Variants in MAGI3 observed in about 807,000 individuals in gnomAD.
MAGI3 encodes membrane associated guanylate kinase, WW and PDZ domain containing 3, also known as membrane-associated guanylate kinase, WW and PDZ domain-containing protein 3.
A neutral mutation model predicts 121.8 loss-of-function variants in MAGI3; 43 were observed. The ratio of observed to expected loss-of-function variants is 0.35; its 90% CI spans 0.28 to 0.46. The LOEUF (loss-of-function observed/expected upper bound fraction) is 0.46, where lower values mean the gene tolerates loss of function less well. Ranked by LOEUF, MAGI3 falls within the 20% of genes least tolerant of loss-of-function variation. MAGI3 has a pLI of 1.00. For missense variants in MAGI3, 1,547 were observed against 1,797.3 expected, an observed-to-expected ratio of 0.86 and a Z score of 2.52; for synonymous variants, 553 against 639.3, an observed-to-expected ratio of 0.86 and a Z score of 2.04.
In MAGI3 at chr1:113,580,530, CT is replaced by C. The variant is rs1647954781; in HGVS notation, c.434-6del. ...TACTTTACAACCTACTTTTTTTTTT[CT>C]TTTTTCTTAGGCACTACAAGGGCCC... On this transcript the variant is annotated splice_polypyrimidine_tract_variant and intron_variant, in intron 2 of 20. Transcript: ENST00000307546. 11 of 1,544,440 alleles carry C rather than the reference CT, an allele frequency of 7.1e-6. No homozygotes were observed. Among genetic ancestry groups the C allele is most frequent in the Middle Eastern group, 1.7e-4 (1 of 5,732 alleles).
At chr1:113,636,168 CA>C (rs1461741049) in intron 9 of MAGI3, among the ~76,000 whole-genome samples, 1 of 151,858 alleles carries the variant, frequency 6.6e-6, no homozygotes, top group African/African-American at 2.4e-5. Flanking sequence ...TTGATCCTTT[CA>C]AAAAACCAGC....
At chr1:113,623,145 A>G in intron 9 of MAGI3, 151 bp downstream of exon 9, 1 of 540,510 alleles carries the variant, frequency 1.9e-6, no homozygotes, top group East Asian at 3.7e-5. Flanking sequence ...ACTTTAATTT[A>G]AAAAAAAGTT....
chr1:113,597,858 G>A (rs953501405), intron 6 of MAGI3, among the ~76,000 whole-genome samples: 3 of 152,150 alleles, frequency 2.0e-5, no homozygotes, highest in Non-Finnish European at 4.4e-5. Flanking sequence ...ATGGTAAAAG[G>A]AGTTCTAAAT....
chr1:113,681,375 AT>A, intron 20 of MAGI3, 39 bp downstream of exon 20: 2 of 1,597,872 alleles, frequency 1.3e-6, no homozygotes, highest in Non-Finnish European at 1.7e-6. Context: ...AAAGTTGTAT[AT>A]TAGGGAGGGG....
chr1:113,531,880 A>G (rs1347614207), intron 1 of MAGI3, among the ~76,000 whole-genome samples: 1 of 152,200 alleles, frequency 6.6e-6, no homozygotes, highest in East Asian at 1.9e-4. Context: ...TGAGCCTAGG[A>G]AACTGTTGAA....
intron 5 of MAGI3, among the ~76,000 whole-genome samples, chr1:113,591,327 C>T (rs1369939938): frequency 1.3e-5 from 2 of 152,008 alleles, no homozygotes; most frequent in South Asian, 4.1e-4. Context: ...TCTCACGTAG[C>T]TGTAATTCTC....
chr1:113,553,571 G>A (rs1659868508), intron 2 of MAGI3, among the ~76,000 whole-genome samples: 1 of 152,166 alleles, frequency 6.6e-6, no homozygotes, highest in Non-Finnish European at 1.5e-5. Flanking sequence ...TACTAGCAGG[G>A]CTAAAATAGT....
chr1:113,531,293 A>G (rs1404223984), intron 1 of MAGI3, among the ~76,000 whole-genome samples: 1 of 152,196 alleles, frequency 6.6e-6, no homozygotes, highest in African/African-American at 2.4e-5. Context: ...ATTCTTTTTC[A>G]GGGAGTATTT....
chr1:113,509,934 C>T (rs1184845919), intron 1 of MAGI3, among the ~76,000 whole-genome samples: 1 of 151,568 alleles, frequency 6.6e-6, no homozygotes, highest in Non-Finnish European at 1.5e-5. Flanking sequence ...ACGTTGCCTC[C>T]AGGGCCCAGC....
intron 1 of MAGI3, among the ~76,000 whole-genome samples, chr1:113,535,355 G>T (rs1185789986): frequency 2.0e-5 from 3 of 151,440 alleles, no homozygotes; most frequent in Admixed American, 1.3e-4. Flanking sequence ...ATTCTTCATT[G>T]TCTTGCCACT....
chr1:113,521,041 A>G (rs1321232835), intron 1 of MAGI3, among the ~76,000 whole-genome samples: 3 of 151,950 alleles, frequency 2.0e-5, no homozygotes, highest in African/African-American at 7.3e-5. Context: ...GCCATCACAA[A>G]CATTTTAGTA....
chr1:113,572,714 G>A (rs1419791915), intron 2 of MAGI3, among the ~76,000 whole-genome samples: 1 of 152,164 alleles, frequency 6.6e-6, no homozygotes, highest in African/African-American at 2.4e-5. Flanking sequence ...AAGGTAGTTT[G>A]TATTTCTGTG....
chr1:113,478,446 T>A (rs965750370), intron 1 of MAGI3, among the ~76,000 whole-genome samples: 1 of 152,064 alleles, frequency 6.6e-6, no homozygotes, highest in Non-Finnish European at 1.5e-5. Flanking sequence ...ACGTTGATGC[T>A]ATTCCTTTCT....
chr1:113,496,975 A>C (rs1034748253), intron 1 of MAGI3, among the ~76,000 whole-genome samples: 10 of 152,158 alleles, frequency 6.6e-5, no homozygotes, highest in Admixed American at 5.9e-4. Context: ...AGCTTAACTG[A>C]GGTCATGGGT....
rs574972410 is a variant in MAGI3 at position 113,439,909 on chromosome 1, C to T, written c.316+48560C>T. Among the ~76,000 whole-genome samples, 34 of 151,284 alleles carry T rather than the reference C, an allele frequency of 2.2e-4. No individual in the cohort carries two copies. The East Asian group carries it at 3.7e-3, about 16-fold the overall frequency. On this transcript the variant is annotated intron_variant, in intron 1 of 20. Coordinates refer to ENST00000307546, the MANE Select transcript of MAGI3 (RefSeq NM_001142782.2). ...CGAACCAAGGCCTGTTTTGACTCTA[C>T]GGTCTCCGGTTATTTCATTTTACTG... is the stretch of plus-strand genomic sequence containing the variant.
At chr1:113,510,355 C>CTTTTTTT (rs34379798) in intron 1 of MAGI3, among the ~76,000 whole-genome samples, 1 of 133,412 alleles carries the variant, frequency 7.5e-6, no homozygotes. Context: ...TAGGCCTTGA[C>CTTTTTTT]TTTTTTTTTT....
At chr1:113,613,120 G>A (rs1650261371) in intron 6 of MAGI3, among the ~76,000 whole-genome samples, 1 of 152,096 alleles carries the variant, frequency 6.6e-6, no homozygotes, top group Non-Finnish European at 1.5e-5. Context: ...ACAGTTGTTT[G>A]GCGATAAAAT....
At chr1:113,604,881 T>G (rs1649656229) in intron 6 of MAGI3, among the ~76,000 whole-genome samples, 1 of 151,284 alleles carries the variant, frequency 6.6e-6, no homozygotes, top group Non-Finnish European at 1.5e-5. Context: ...TGTACACTAC[T>G]TGGGTGATGG....
intron 2 of MAGI3, among the ~76,000 whole-genome samples, chr1:113,553,957 C>T (rs556892954): frequency 1.3e-5 from 2 of 152,258 alleles, no homozygotes; most frequent in East Asian, 1.9e-4. Flanking sequence ...TGCAGTGAGC[C>T]GAGATCGTGC....
Sources: gnomAD v4.1 joint callset for allele counts (sites outside exome capture counted in the v4.1 genomes callset) on GRCh38, gnomAD v4.1.1 for gene constraint, MANE v1.5 for transcripts, NCBI Gene and HGNC (gene_info 2026-07-23, HGNC 2026-07-21) for gene names.